DLC1: variants seen among roughly 807,000 people sequenced by gnomAD.
DLC1 encodes the protein rho GTPase-activating protein 7.
Under a neutral mutation model 140.3 loss-of-function variants are expected in DLC1, and 54 were observed. The ratio of observed to expected loss-of-function variants is 0.38; its 90% CI spans 0.31 to 0.48. The LOEUF (loss-of-function observed/expected upper bound fraction) is 0.48. Ranked by LOEUF, DLC1 falls within the 20% of genes least tolerant of loss-of-function variation. DLC1 has a pLI of 0.96. For missense variants in DLC1, 2,536 were observed against 1,907.0 expected, an observed-to-expected ratio of 1.33 and a Z score of -6.14; for synonymous variants, 986 against 728.1, an observed-to-expected ratio of 1.35 and a Z score of -5.70.
intron 2 of DLC1, among the ~76,000 whole-genome samples, chr8:13,437,306 A>T (rs1362921938): frequency 6.6e-6 from 1 of 152,212 alleles, no homozygotes; most frequent in East Asian, 1.9e-4. Context: ...TTCACTAGAC[A>T]TGCTGCTAGC....
rs79689629 is a variant in DLC1 at position 13,303,296 on chromosome 8, G to T, written c.1348+1973C>A. 2.6e-4 allele frequency among the ~76,000 whole-genome samples: 40 copies of T among 152,198 alleles called. 1 individual carries two copies. The East Asian group carries it at 5.8e-3, about 22-fold the overall frequency. ...GATGGGGCATCCTGGGGCCTGTGGAGATCACATATGTCATCTTATGGAACC... is the reference window on the plus strand; with the variant it reads ...GATGGGGCATCCTGGGGCCTGTGGATATCACATATGTCATCTTATGGAACC... On this transcript the variant is annotated intron_variant, in intron 5 of 17. Transcript: ENST00000276297.
In DLC1 at chr8:13,100,726, T is replaced by G. The variant is rs1010972177; in HGVS notation, c.1611A>C (p.Lys537Asn). 5 of 1,602,544 alleles carry G rather than the reference T, an allele frequency of 3.1e-6. No individual in the cohort carries two copies. The highest frequency in any genetic ancestry group is 4.3e-6 in the Non-Finnish European group (5 of 1,174,882). ...DEDEPCAISG[K>N]WTFQRDSKRW... ...TCTTGCTGTCCCTTTGGAAAGTCCA[T>G]TTGCCACTGATGGCACAAGGCTCAT... Residue 537 changes from lysine to asparagine, a missense_variant, in exon 9 of 18, where the codon AAA (lysine) becomes AAC (asparagine). Transcript: ENST00000276297.
At chr8:13,092,514 T>G in intron 13 of DLC1, 98 bp downstream of exon 13, 1 of 1,353,758 alleles carries the variant, frequency 7.4e-7, no homozygotes, top group Middle Eastern at 2.5e-4. Flanking sequence ...CCTTCTTGCT[T>G]GTTTCAGGAA....
intron 5 of DLC1, among the ~76,000 whole-genome samples, chr8:13,131,406 T>C (rs1585721763): frequency 6.6e-6 from 1 of 152,204 alleles, no homozygotes; most frequent in African/African-American, 2.4e-5. Context: ...CAATGTTTTT[T>C]CCAAATACAT....
chr8:13,210,405 T>C (rs1827880350), intron 5 of DLC1, among the ~76,000 whole-genome samples: 1 of 152,196 alleles, frequency 6.6e-6, no homozygotes, highest in African/African-American at 2.4e-5. Flanking sequence ...ACTGGAGGCA[T>C]TGTCATTGTC....
intron 1 of DLC1, among the ~76,000 whole-genome samples, chr8:13,510,978 T>C (rs576560996): frequency 6.6e-6 from 1 of 152,234 alleles, no homozygotes; most frequent in Non-Finnish European, 1.5e-5. Context: ...GGTTTTCCTT[T>C]CTTTTTTTTT....
At chr8:13,112,895 T>A (rs1820235736) in intron 6 of DLC1, among the ~76,000 whole-genome samples, 1 of 152,150 alleles carries the variant, frequency 6.6e-6, no homozygotes, top group South Asian at 2.1e-4. Flanking sequence ...GAGCTGATAT[T>A]AAGGAATATT....
At chr8:13,543,521 T>C (rs1376684080) in intron 1 of DLC1, among the ~76,000 whole-genome samples, 2 of 152,166 alleles carry the variant, frequency 1.3e-5, no homozygotes. Context: ...TTCAACACAA[T>C]TCACAATTGC....
At position 13,365,256 on chromosome 8, in the gene DLC1, T is replaced by C. The variant is rs764146717; in HGVS notation, c.1314+28297A>G. ...AGTTAGACTGATTATATCTATCCTTTAGAACAAAAGCATGCTAGGCTATTG... is the reference window on the plus strand; with the variant it reads ...AGTTAGACTGATTATATCTATCCTTCAGAACAAAAGCATGCTAGGCTATTG... On this transcript the variant is annotated intron_variant, in intron 4 of 17. Transcript: ENST00000276297. Among the ~76,000 whole-genome samples the C allele has an allele frequency of 9.4e-4, 143 of 152,242 alleles. 1 individual carries two copies. The highest frequency in any genetic ancestry group is 1.4e-3 in the Non-Finnish European group (94 of 68,014).
At chr8:13,494,370 A>G (rs1336469807) in intron 2 of DLC1, among the ~76,000 whole-genome samples, 5 of 152,182 alleles carry the variant, frequency 3.3e-5, no homozygotes, top group Non-Finnish European at 7.3e-5. Flanking sequence ...AGATATGCCC[A>G]TGCAACTAAA....
At chr8:13,126,659 A>G (rs1211364512) in intron 5 of DLC1, among the ~76,000 whole-genome samples, 67 of 152,182 alleles carry the variant, frequency 4.4e-4, no homozygotes, top group Non-Finnish European at 1.2e-4. Flanking sequence ...CTTATTATTC[A>G]AGGCAAAATA....
chr8:13,134,605 G>C (rs763433396), intron 5 of DLC1, among the ~76,000 whole-genome samples: 3 of 152,132 alleles, frequency 2.0e-5, no homozygotes, highest in Non-Finnish European at 2.9e-5. Context: ...TGGTTTCATA[G>C]CGATATCTTA....
chr8:13,399,971 C>T (rs1357293006), intron 3 of DLC1, among the ~76,000 whole-genome samples: 1 of 152,054 alleles, frequency 6.6e-6, no homozygotes, highest in Non-Finnish European at 1.5e-5. Flanking sequence ...GGTCAGTGCT[C>T]CTTGGTAGAT....
intron 5 of DLC1, among the ~76,000 whole-genome samples, chr8:13,149,799 A>G (rs990364867): frequency 6.6e-6 from 1 of 152,244 alleles, no homozygotes; most frequent in South Asian, 2.1e-4. Context: ...CTGGAATAAA[A>G]CAGGTGATTG....
chr8:13,236,780 A>G (rs1432060723), intron 5 of DLC1, among the ~76,000 whole-genome samples: 3 of 152,102 alleles, frequency 2.0e-5, no homozygotes, highest in East Asian at 1.9e-4. Context: ...CTTGAGATCA[A>G]TATTCTGAGT....
In DLC1 at chr8:13,499,892, T is replaced by A. The variant is rs149620947; in HGVS notation, c.180A>T (p.Ser60=). 6.2e-7 allele frequency: 1 copy of A among 1,614,128 alleles called. No individual in the cohort carries two copies. The highest frequency in any genetic ancestry group is 1.1e-5 in the South Asian group (1 of 91,086). Reference sequence around the variant, plus strand: ...CTGATCCATGACAGCAGTCAGGTAGTGAAACACACTTCTCTTTGCGGTCCA... The same window carrying A: ...CTGATCCATGACAGCAGTCAGGTAGAGAAACACACTTCTCTTTGCGGTCCA... The part of the protein sequence containing the change: ...LNVDRKEKCV[S]LPDCCHGSEL... The change falls in exon 2 of 18, where the codon TCA becomes TCT. Residue 60 remains serine (S), a synonymous_variant. Transcript: ENST00000276297.
intron 5 of DLC1, among the ~76,000 whole-genome samples, chr8:13,124,055 T>C (rs1000615923): frequency 6.6e-6 from 1 of 152,228 alleles, no homozygotes; most frequent in Non-Finnish European, 1.5e-5. Context: ...CAATAAGTGA[T>C]ACAGTCTTAT....
chr8:13,458,201 T>A (rs1476621090), intron 2 of DLC1, among the ~76,000 whole-genome samples: 2 of 152,232 alleles, frequency 1.3e-5, no homozygotes, highest in Non-Finnish European at 2.9e-5. Context: ...TAAAAATTTT[T>A]AATTCTAGCC....
At chr8:13,184,094 T>C (rs959978546) in intron 5 of DLC1, among the ~76,000 whole-genome samples, 5 of 152,252 alleles carry the variant, frequency 3.3e-5, no homozygotes, top group African/African-American at 4.8e-5. Flanking sequence ...TTTTCTAGTT[T>C]ATTTGCATAG....
Sources: allele counts gnomAD v4.1 joint callset (sites outside exome capture counted in the v4.1 genomes callset), GRCh38; gene constraint gnomAD v4.1.1; transcripts MANE v1.5; gene names NCBI Gene and HGNC (gene_info 2026-07-23, HGNC 2026-07-21).